The following VCL variants were observed in gnomAD, a reference collection of about 807,000 sequenced individuals.
The protein encoded by VCL is vinculin, also known as epididymis luminal protein 114.
A neutral mutation model predicts 125.7 loss-of-function variants in VCL; 47 were observed. The observed-to-expected ratio is 0.37, with a 90% CI of 0.30 to 0.48. The LOEUF is 0.48. Ranked by LOEUF, VCL falls within the 20% of genes least tolerant of loss-of-function variation. VCL has a pLI of 0.99. For synonymous variants in VCL, 458 were observed against 514.6 expected (o/e 0.89, Z 1.49); for missense variants, 1,069 against 1,455.5 (o/e 0.73, Z 4.32).
intron 2 of VCL, among the ~76,000 whole-genome samples, chr10:74,055,705 T>G (rs1406418076): frequency 6.6e-6 from 1 of 152,144 alleles, no homozygotes; most frequent in African/African-American, 2.4e-5. Flanking sequence ...AGAATCAACA[T>G]ACATTTGAAA....
chr10:74,012,727 G>GC (rs1445303394), intron 1 of VCL, among the ~76,000 whole-genome samples: 4 of 152,226 alleles, frequency 2.6e-5, no homozygotes, highest in Non-Finnish European at 4.4e-5. Flanking sequence ...GCTGCTTTCT[G>GC]CTTGTGGCTG....
intron 7 of VCL, among the ~76,000 whole-genome samples, 194 bp downstream of exon 7, chr10:74,082,738 G>A (rs557989376): frequency 3.7e-4 from 57 of 152,290 alleles, no homozygotes; most frequent in African/African-American, 1.3e-3. Context: ...GAATAGATTC[G>A]ATCACCTCTA....
chr10:74,111,841 A>C, intron 18 of VCL, 68 bp from the exon 19 acceptor site: 1 of 1,589,610 alleles, frequency 6.3e-7, no homozygotes, highest in Non-Finnish European at 8.6e-7. Context: ...GCTGAAGCCC[A>C]GTTTCCCAAG....
chr10:74,032,256 A>G lies in VCL; in HGVS notation c.169-10827A>G, dbSNP rs903927747. On this transcript the variant is annotated intron_variant, in intron 1 of 21. Coordinates refer to ENST00000211998, the MANE Select transcript of VCL (RefSeq NM_014000.3). ...GTTTCAGAATAAAAAAAAAAAAAAA[A>G]AAAAGAAAAAGGAAAAGACAAGCTA... Among the ~76,000 whole-genome samples, 23 of 150,700 alleles carry G rather than the reference A, an allele frequency of 1.5e-4. No individual in the cohort carries two copies. The East Asian group carries it at 1.5e-3, about 10-fold the overall frequency.
rs764175581 is a variant in VCL at position 74,108,952 on chromosome 10, CTTG to C, written c.2560-16_2560-14del. ...AGTAGTTTTAGGACTTTACTTACAACTTGTTTTCTCTTTTTTAGCTAACAGATG... is the reference window on the plus strand; with the variant it reads ...AGTAGTTTTAGGACTTTACTTACAACTTTTCTCTTTTTTAGCTAACAGATG... On this transcript the variant is annotated splice_polypyrimidine_tract_variant and intron_variant, in intron 17 of 21. Transcript: ENST00000211998. 2 of 1,613,964 alleles carry C rather than the reference CTTG, an allele frequency of 1.2e-6. No homozygotes were observed. Among genetic ancestry groups the C allele is most frequent in the Non-Finnish European group, 1.7e-6 (2 of 1,179,936 alleles).
chr10:74,023,967 G>A (rs1328350084), intron 1 of VCL, among the ~76,000 whole-genome samples: 1 of 152,062 alleles, frequency 6.6e-6, no homozygotes, highest in African/African-American at 2.4e-5. Context: ...ACACTAAATT[G>A]TGTTTGCAGT....
Position 74,103,942 on chromosome 10 carries a change from T to C in VCL, c.2131+14T>C, listed in dbSNP as rs948330186. 11 of 1,610,966 alleles carry C rather than the reference T, an allele frequency of 6.8e-6. No individual in the cohort carries two copies. The highest frequency in any genetic ancestry group is 9.3e-6 in the Non-Finnish European group (11 of 1,177,328). ...AAAAAATGACAGGTAGAGTTTTCTA[T>C]ACAAATCTTGTTGTCTAATCCATGA... On this transcript the variant is annotated intron_variant, in intron 15 of 21. Transcript: ENST00000211998.
intron 2 of VCL, among the ~76,000 whole-genome samples, chr10:74,045,758 G>A: frequency 6.6e-6 from 1 of 152,130 alleles, no homozygotes; most frequent in East Asian, 1.9e-4. Flanking sequence ...ACCTCTGGGA[G>A]GGAGGAAGAG....
rs1420416450 is a variant in VCL, at chr10:74,118,608, T to G, written c.*439T>G. On this transcript the variant is annotated 3_prime_UTR_variant, in exon 22 of 22. Coordinates refer to ENST00000211998, the MANE Select transcript of VCL (RefSeq NM_014000.3). ...GCAAATCAGTTACTAAGAAGAAAAT[T>G]GCTGTGCCTCCCAAAATTGTTTTGA... 5 of 253,464 alleles carry G rather than the reference T, an allele frequency of 2.0e-5. No homozygotes were observed. The highest frequency in any genetic ancestry group is 1.5e-3 in the Middle Eastern group (1 of 652). The allele number at this position is 253,464 out of a possible 1,614,324, so 15.7% of individuals were successfully genotyped here. A position where few individuals can be genotyped will look rare whatever the true frequency, so the allele number is the denominator to read the frequency against.
intron 16 of VCL, among the ~76,000 whole-genome samples, chr10:74,106,329 G>A (rs1199975240): frequency 6.6e-6 from 1 of 152,162 alleles, no homozygotes; most frequent in African/African-American, 2.4e-5. Flanking sequence ...TGTAACTGGT[G>A]TTAACTTCTC....
intron 1 of VCL, among the ~76,000 whole-genome samples, chr10:74,011,848 GGA>G (rs1840442588): frequency 6.6e-6 from 1 of 152,188 alleles, no homozygotes. Context: ...TGTGTATAGA[GGA>G]GAGAGGTGGT....
intron 6 of VCL, among the ~76,000 whole-genome samples, chr10:74,078,557 C>T (rs961596454): frequency 6.6e-6 from 1 of 152,160 alleles, no homozygotes; most frequent in Non-Finnish European, 1.5e-5. Context: ...TATCTCCCTG[C>T]TCCCCATGAG....
chr10:74,043,199 T>C, intron 2 of VCL, 46 bp downstream of exon 2: 1 of 1,534,334 alleles, frequency 6.5e-7, no homozygotes, highest in Non-Finnish European at 9.0e-7. Context: ...AATAATACTC[T>C]TGTTAGGAAG....
At chr10:74,073,963 C>T (rs1839536399) in intron 5 of VCL, among the ~76,000 whole-genome samples, 1 of 152,198 alleles carries the variant, frequency 6.6e-6, no homozygotes, top group African/African-American at 2.4e-5. Flanking sequence ...CACAGTGGCT[C>T]ACTCCTGTAA....
intron 1 of VCL, among the ~76,000 whole-genome samples, chr10:74,013,938 T>C (rs1361309537): frequency 6.6e-6 from 1 of 152,224 alleles, no homozygotes; most frequent in African/African-American, 2.4e-5. Flanking sequence ...TTCTAACTTT[T>C]ATTCAACAAG....
At chr10:74,120,263 C>T (rs922611475), downstream of VCL, 1 of 152,048 alleles carries the variant, frequency 6.6e-6, no homozygotes, top group Non-Finnish European at 1.5e-5. Flanking sequence ...GATCTGGAAA[C>T]TAAAGATTTT....
At chr10:74,054,365 T>C (rs1011881468) in intron 2 of VCL, among the ~76,000 whole-genome samples, 1 of 152,224 alleles carries the variant, frequency 6.6e-6, no homozygotes, top group Admixed American at 6.5e-5. Context: ...CTGTTAATTA[T>C]TTGTTGCTAA....
At chr10:74,066,471 G>A (rs57828435) in intron 2 of VCL, among the ~76,000 whole-genome samples, 9,718 of 152,092 alleles carry the variant, frequency 0.064, 1,070 homozygotes, top group African/African-American at 0.22. Flanking sequence ...CATGCATAAC[G>A]GTATGATTCC....
At position 74,118,403 on chromosome 10, in the gene VCL, C is replaced by A; in HGVS notation, c.*234C>A. 1.8e-6 allele frequency: 1 copy of A among 567,390 alleles called. No individual in the cohort carries two copies. Among genetic ancestry groups the A allele is most frequent in the Non-Finnish European group, 3.1e-6 (1 of 318,000 alleles). The allele number at this position is 567,390 out of a possible 1,614,324, so 35.1% of individuals were successfully genotyped here. On this transcript the variant is annotated 3_prime_UTR_variant, in exon 22 of 22. Transcript: ENST00000211998. ...ATTCTCAAACACAGTTACACTTGTG[C>A]ACCCTCTATCCCAATAGGCAGACTG...
Sources: allele counts gnomAD v4.1 joint callset (sites outside exome capture counted in the v4.1 genomes callset), GRCh38; gene constraint gnomAD v4.1.1; transcripts MANE v1.5; gene names NCBI Gene and HGNC (gene_info 2026-07-23, HGNC 2026-07-21).